The following PRKCH variants were observed in gnomAD, a reference collection of about 807,000 sequenced individuals.
PRKCH encodes the protein protein kinase C eta, also known as protein kinase C eta type.
In PRKCH, 28 loss-of-function variants were observed where a neutral mutation model predicts 82.5. That is an observed-to-expected ratio of 0.34 (90% CI 0.25 to 0.47). The LOEUF is 0.47. PRKCH is among the 20% of genes least tolerant of loss of function. The pLI is 1.00. For missense variants in PRKCH, 705 were observed against 881.8 expected, an observed-to-expected ratio of 0.80 and a Z score of 2.54; for synonymous variants, 322 against 327.4, an observed-to-expected ratio of 0.98 and a Z score of 0.18.
chr14:61,393,759 T>C (rs1199747409), intron 2 of PRKCH, among the ~76,000 whole-genome samples: 1 of 152,244 alleles, frequency 6.6e-6, no homozygotes, highest in East Asian at 1.9e-4. Flanking sequence ...TTTTGTCAAT[T>C]CTGCCTTCAA....
At chr14:61,209,471 T>C (rs7161633) in intron 1 of PRKCH, among the ~76,000 whole-genome samples, 14,919 of 152,056 alleles carry the variant, frequency 0.098, 2,478 homozygotes, top group African/African-American at 0.34. Context: ...TATTTTATCA[T>C]AGCATCCCGA....
At chr14:61,487,855 A>G (rs796456233) in intron 10 of PRKCH, among the ~76,000 whole-genome samples, 17 of 151,506 alleles carry the variant, frequency 1.1e-4, no homozygotes, top group African/African-American at 4.1e-4. Flanking sequence ...ATATACATAT[A>G]TGTTAAAAAA....
intron 1 of PRKCH, among the ~76,000 whole-genome samples, chr14:61,295,864 C>T (rs1019863207): frequency 2.7e-5 from 4 of 150,102 alleles, no homozygotes; most frequent in African/African-American, 9.8e-5. Flanking sequence ...TATTTTCACC[C>T]TTTTTTTTTT....
intron 1 of PRKCH, among the ~76,000 whole-genome samples, chr14:61,357,207 G>A (rs756003730): frequency 9.9e-5 from 15 of 152,204 alleles, no homozygotes; most frequent in Non-Finnish European, 1.6e-4. Context: ...ATACTGGGCA[G>A]GTTGGTGCTG....
chr14:61,478,902 T>C (rs1434865066), intron 9 of PRKCH, among the ~76,000 whole-genome samples: 1 of 152,176 alleles, frequency 6.6e-6, no homozygotes, highest in Non-Finnish European at 1.5e-5. Context: ...GCTGAAATTC[T>C]CCTGGTAGCA....
intron 2 of PRKCH, among the ~76,000 whole-genome samples, chr14:61,432,896 CCTTT>C (rs1883476376): frequency 8.3e-6 from 1 of 120,534 alleles, no homozygotes; most frequent in Non-Finnish European, 1.7e-5. Flanking sequence ...TTTTTTTTTT[CCTTT>C]ATTTCTTCTT....
intron 1 of PRKCH, chr14:61,304,084 A>C (rs570708360): frequency 3.9e-5 from 6 of 152,140 alleles, no homozygotes; most frequent in African/African-American, 9.6e-5. Flanking sequence ...CAACCTTAAC[A>C]GTCTGTTTAG....
rs190061662 is a variant in PRKCH at position 61,340,698 on chromosome 14, G to T, written c.363+18234G>T. Among the ~76,000 whole-genome samples, 1,261 of 152,312 alleles carry T rather than the reference G, an allele frequency of 8.3e-3. 17 individuals are homozygous for T. The highest frequency in any genetic ancestry group is 0.014 in the Middle Eastern group (4 of 294). ...CCCGATATCAGGTCCAGGGTCCCATGTCTGATATGCTTGCTGGACAGACCT... is the reference window on the plus strand; with the variant it reads ...CCCGATATCAGGTCCAGGGTCCCATTTCTGATATGCTTGCTGGACAGACCT... On this transcript the variant is annotated intron_variant, in intron 1 of 13. Coordinates refer to ENST00000332981, the MANE Select transcript of PRKCH (RefSeq NM_006255.5).
intron 12 of PRKCH, among the ~76,000 whole-genome samples, chr14:61,532,701 T>G (rs546919372): frequency 6.6e-6 from 1 of 152,352 alleles, no homozygotes; most frequent in African/African-American, 2.4e-5. Context: ...ATCTTTTATG[T>G]AAATATGGAT....
At chr14:61,345,637 A>T (rs1488245637) in intron 1 of PRKCH, among the ~76,000 whole-genome samples, 1 of 152,232 alleles carries the variant, frequency 6.6e-6, no homozygotes, top group East Asian at 1.9e-4. Context: ...GTGTCAGGCT[A>T]AGTATTTCAT....
At position 61,350,619 on chromosome 14, in the gene PRKCH, TC is replaced by T. The variant is rs578130971; in HGVS notation, c.363+28161del. 2.2e-4 allele frequency among the ~76,000 whole-genome samples: 33 copies of T among 152,108 alleles called. 1 individual carries two copies. The East Asian group carries it at 6.4e-3, about 29-fold the overall frequency. On this transcript the variant is annotated intron_variant, in intron 1 of 13. Transcript: ENST00000332981. ...GCCTCTTAAAGTCACTGAAAGAATA[TC>T]CCCCCTCCCCCATGGAGGGGTCATA...
chr14:61,545,461 G>T (rs1170158565), intron 12 of PRKCH, among the ~76,000 whole-genome samples: 3 of 152,140 alleles, frequency 2.0e-5, no homozygotes, highest in Non-Finnish European at 4.4e-5. Flanking sequence ...TGTCATCTGC[G>T]TATCCCCAAG....
chr14:61,199,040 A>G (rs534028972), intron 1 of PRKCH, among the ~76,000 whole-genome samples: 14 of 152,300 alleles, frequency 9.2e-5, no homozygotes, highest in African/African-American at 2.9e-4. Flanking sequence ...GGGAAAAGCA[A>G]TTATCTGAAA....
At chr14:61,237,529 T>A (rs2044800528) in intron 1 of PRKCH, among the ~76,000 whole-genome samples, 1 of 152,216 alleles carries the variant, frequency 6.6e-6, no homozygotes, top group Non-Finnish European at 1.5e-5. Flanking sequence ...CTCTGAATCC[T>A]GTTACCTGGA....
intron 2 of PRKCH, among the ~76,000 whole-genome samples, chr14:61,412,618 T>C (rs979797489): frequency 6.6e-6 from 1 of 152,196 alleles, no homozygotes; most frequent in Non-Finnish European, 1.5e-5. Context: ...TGAGCAATCA[T>C]CTCACAGATG....
chr14:61,505,410 T>C (rs1887104556), intron 10 of PRKCH, among the ~76,000 whole-genome samples: 1 of 131,752 alleles, frequency 7.6e-6, no homozygotes, highest in Non-Finnish European at 1.6e-5. Context: ...TTTTTTTTTT[T>C]TTTTTTTTTT....
In PRKCH at chr14:61,457,172, T is replaced by C; in HGVS notation, c.961-4T>C. ...TCTGACTTAATGTGTTCTTACTCTT[T>C]CAGAAACTCGTTTCCAGATCGACCC... On this transcript the variant is annotated splice_region_variant and splice_polypyrimidine_tract_variant and intron_variant, in intron 7 of 13. Coordinates refer to ENST00000332981, the MANE Select transcript of PRKCH (RefSeq NM_006255.5). 1 of 1,613,882 alleles carries C rather than the reference T, an allele frequency of 6.2e-7. No individual in the cohort carries two copies. The highest frequency in any genetic ancestry group is 8.5e-7 in the Non-Finnish European group (1 of 1,179,850).
intron 1 of PRKCH, among the ~76,000 whole-genome samples, chr14:61,356,342 C>CGT (rs1447978385): frequency 6.6e-6 from 1 of 152,192 alleles, no homozygotes; most frequent in Non-Finnish European, 1.5e-5. Context: ...TGTGCTCCTT[C>CGT]GTAATCCAGA....
intron 1 of PRKCH, among the ~76,000 whole-genome samples, chr14:61,372,871 A>G (rs1382722847): frequency 1.3e-5 from 2 of 152,006 alleles, no homozygotes; most frequent in Non-Finnish European, 2.9e-5. Context: ...TCTGTCTACC[A>G]TTATAGTATC....
Sources: gnomAD v4.1 joint callset for allele counts (sites outside exome capture counted in the v4.1 genomes callset) on GRCh38, gnomAD v4.1.1 for gene constraint, MANE v1.5 for transcripts, NCBI Gene and HGNC (gene_info 2026-07-23, HGNC 2026-07-21) for gene names.